Variants in DYNC1H1 observed in about 807,000 individuals in gnomAD.
DYNC1H1 encodes the protein dynein cytoplasmic 1 heavy chain 1.
In DYNC1H1, 51 loss-of-function variants were observed where a neutral mutation model predicts 527.1. The ratio of observed to expected loss-of-function variants is 0.10; its 90% CI spans 0.08 to 0.12. The LOEUF is 0.12. Ranked by LOEUF, DYNC1H1 falls within the 10% of genes least tolerant of loss-of-function variation. The pLI is 1.00. For synonymous variants in DYNC1H1, 2,189 were observed against 2,278.8 expected, an observed-to-expected ratio of 0.96 and a Z score of 1.12; for missense variants, 2,771 against 5,971.8, an observed-to-expected ratio of 0.46 and a Z score of 17.66.
intron 16 of DYNC1H1, among the ~76,000 whole-genome samples, chr14:101,998,879 C>CTTTTTTTTTTGTTTTTTTTTTTTG (rs1470140199): frequency 5.1e-4 from 59 of 115,214 alleles, no homozygotes; most frequent in African/African-American, 2.1e-3. Flanking sequence ...AAAACTTTTT[C>CTTTTTTTTTTGTTTTTTTTTTTTG]TTTTTTTTTT....
Position 102,049,664 on chromosome 14 carries a change from G to A in DYNC1H1, c.13516-50G>A, listed in dbSNP as rs375836767. 1.2e-6 allele frequency: 2 copies of A among 1,613,442 alleles called. No homozygotes were observed. The highest frequency in any genetic ancestry group is 2.7e-5 in the African/African-American group (2 of 74,940). On this transcript the variant is annotated intron_variant, in intron 75 of 77. Transcript: ENST00000360184. This position sits in a 1 kb window ranked among gnomAD's most constrained non-coding sequence, Gnocchi z 5.5. Reference sequence around the variant, plus strand: ...GAGTGGCTCTGGGGAAAAACACAGGGCCCAGGTCTGACCTGAGCTCCTTCC... The same window carrying A: ...GAGTGGCTCTGGGGAAAAACACAGGACCCAGGTCTGACCTGAGCTCCTTCC...
At position 102,004,823 on chromosome 14, in the gene DYNC1H1, T is replaced by C; in HGVS notation, c.5111T>C (p.Leu1704Ser). The change falls in exon 25 of 78, where the codon TTG becomes TCG. Residue 1704 changes from leucine (L) to serine (S), a missense_variant. Around this residue, in one of 32 missense-constraint regions of DYNC1H1, gnomAD observed 105 missense variants for 138.1 expected, o/e 0.76. Coordinates refer to ENST00000360184, the MANE Select transcript of DYNC1H1 (RefSeq NM_001376.5). The stretch of plus-strand genomic sequence containing the variant: ...CCCAAAATCAATGAGTGGCTCACAT[T>C]GGTAGAAAAGGAGATGAGAGTCACC... ...EHPKINEWLT[L>S]VEKEMRVTLA... 6.2e-7 allele frequency: 1 copy of C among 1,614,220 alleles called. No individual in the cohort carries two copies. Among genetic ancestry groups the C allele is most frequent in the Non-Finnish European group, 8.5e-7 (1 of 1,180,046 alleles).
rs17540749 is a variant in DYNC1H1, at chr14:101,985,095, T to C, written c.1462-592T>C. On this transcript the variant is annotated intron_variant, in intron 7 of 77. Transcript: ENST00000360184. This position sits in a 1 kb window ranked among gnomAD's most constrained non-coding sequence, Gnocchi z 5.9. The stretch of plus-strand genomic sequence containing the variant: ...CCAAATCTTTAGTGTTTTCCATCCA[T>C]TTATCCCTTCCTCCATCTTGGAAGG... Among the ~76,000 whole-genome samples the C allele has an allele frequency of 0.015, 2,277 of 151,964 alleles. 34 individuals carry two copies. Among genetic ancestry groups the C allele is most frequent in the Middle Eastern group, 0.037 (11 of 294 alleles).
At chr14:101,990,175 C>T (rs74082021) in intron 10 of DYNC1H1, among the ~76,000 whole-genome samples, 1 of 152,110 alleles carries the variant, frequency 6.6e-6, no homozygotes, top group Non-Finnish European at 1.5e-5. Context: ...CTAGTGGAGA[C>T]GAAGTTGGAA....
In DYNC1H1 at chr14:102,041,423, C is replaced by CAG; in HGVS notation, c.11942-150_11942-149dup. On this transcript the variant is annotated intron_variant, in intron 64 of 77. Transcript: ENST00000360184. This position sits in a 1 kb window ranked among gnomAD's most constrained non-coding sequence, Gnocchi z 4.5. ...GTGTCCAGAGGGCTCACGGAAGGCA[C>CAG]AGCAGATGTGGCTGAATTTCCTGAT... The CAG allele has an allele frequency of 1.6e-6, 2 of 1,255,560 alleles. No individual in the cohort carries two copies. Among genetic ancestry groups the CAG allele is most frequent in the Admixed American group, 3.4e-5 (2 of 59,050 alleles). The allele number at this position is 1,255,560 out of a possible 1,614,324, so 77.8% of individuals were successfully genotyped here.
chr14:102,014,714 C>T (rs2048300024), intron 34 of DYNC1H1, among the ~76,000 whole-genome samples: 1 of 152,164 alleles, frequency 6.6e-6, no homozygotes, highest in Non-Finnish European at 1.5e-5. Flanking sequence ...TTGCCCTATT[C>T]TTCTCCCTGC....
At chr14:101,995,436 G>C (rs1257398649) in intron 15 of DYNC1H1, 136 bp downstream of exon 15, 14 of 1,125,608 alleles carry the variant, frequency 1.2e-5, no homozygotes, top group African/African-American at 4.6e-5. Flanking sequence ...ACGGTGAAAT[G>C]CTGTCTCTAC....
intron 29 of DYNC1H1, chr14:102,009,264 T>C (rs920291002): frequency 3.2e-5 from 5 of 157,832 alleles, no homozygotes; most frequent in Non-Finnish European, 2.8e-5. Context: ...TTTTAATGTT[T>C]CCTTTTATTG....
chr14:102,015,799 G>A lies in DYNC1H1; in HGVS notation c.7243-57G>A, dbSNP rs2048313483. 16 of 1,587,104 alleles carry A rather than the reference G, an allele frequency of 1.0e-5. No individual in the cohort carries two copies. The highest frequency in any genetic ancestry group is 1.7e-4 in the Middle Eastern group (1 of 6,044). On this transcript the variant is annotated intron_variant, in intron 35 of 77. Coordinates refer to ENST00000360184, the MANE Select transcript of DYNC1H1 (RefSeq NM_001376.5). This position sits in a 1 kb window ranked among gnomAD's most constrained non-coding sequence, Gnocchi z 6.9. Reference sequence around the variant, plus strand: ...CTTCTCCTGGGACCAGGTTAGAATCGATGAAACTCGCCTGCCTTTTGAAAG... The same window carrying A: ...CTTCTCCTGGGACCAGGTTAGAATCAATGAAACTCGCCTGCCTTTTGAAAG...
chr14:102,026,073 C>T (rs1018267533), intron 43 of DYNC1H1, among the ~76,000 whole-genome samples: 1 of 150,790 alleles, frequency 6.6e-6, no homozygotes, highest in Non-Finnish European at 1.5e-5. Context: ...TGAGATCGTG[C>T]CACAGCACTC....
At chr14:101,984,448 A>ATTTTTTTTT (rs1224932045) in intron 7 of DYNC1H1, among the ~76,000 whole-genome samples, 3 of 89,116 alleles carry the variant, frequency 3.4e-5, no homozygotes, top group African/African-American at 5.6e-5. Context: ...TATATATATT[A>ATTTTTTTTT]TATTTTTTTT....
chr14:102,034,899 C>A, intron 56 of DYNC1H1: 1 of 246,142 alleles, frequency 4.1e-6, no homozygotes. Context: ...GCACCCCAGC[C>A]TGGGCAACAG....
rs2141276707 is a variant in DYNC1H1 at position 101,988,844 on chromosome 14, A to G, written c.2860A>G (p.Lys954Glu). The change falls in exon 10 of 78, where the codon AAG (lysine) becomes GAG (glutamate). Residue 954 changes from lysine (K) to glutamate (E), a missense_variant. Transcript: ENST00000360184. ...QVSHKPGGEPKIKNVVHELRI... is the reference protein window; with the variant it reads ...QVSHKPGGEPEIKNVVHELRI... Reference sequence around the variant, plus strand: ...TAGTCACAAGCCTGGTGGAGAGCCAAAGATCAAAGTGAGTGCTTCTGTGGC... The same window carrying G: ...TAGTCACAAGCCTGGTGGAGAGCCAGAGATCAAAGTGAGTGCTTCTGTGGC... 6.2e-7 allele frequency: 1 copy of G among 1,614,218 alleles called. No homozygotes were observed.
At chr14:102,000,731 C>T (rs568221903) in intron 18 of DYNC1H1, 130 of 524,352 alleles carry the variant, frequency 2.5e-4, no homozygotes, top group African/African-American at 1.9e-3. Context: ...TGTGCCACCA[C>T]GCCCGGCTAA....
chr14:102,039,944 TCTC>T lies in DYNC1H1; in HGVS notation c.11690+215_11690+217del, dbSNP rs562053089. Among the ~76,000 whole-genome samples, 488 of 152,292 alleles carry T rather than the reference TCTC, an allele frequency of 3.2e-3. 7 individuals are homozygous for T. Among genetic ancestry groups the T allele is most frequent in the Non-Finnish European group, 1.8e-3 (124 of 68,020 alleles). On this transcript the variant is annotated intron_variant, in intron 62 of 77. Transcript: ENST00000360184. This position sits in a 1 kb window ranked among gnomAD's most constrained non-coding sequence, Gnocchi z 7.0. ...CCTCCACCTCCCAGGTTCAAGCAAT[TCTC>T]CTGCTTCAGTCTCCGAAGTAGCTAG...
rs1482620203 is a variant in DYNC1H1, at chr14:102,034,366, T to C, written c.10668T>C (p.Ala3556=). Residue 3556 remains alanine (A), a synonymous_variant, in exon 56 of 78, where the codon GCT becomes GCC. Transcript: ENST00000360184. ...CCAGGACGGAATACCTTTCCAATGCTGATGAGCGTCTTCGCTGGCAGGCCA... is the reference window on the plus strand; with the variant it reads ...CCAGGACGGAATACCTTTCCAATGCCGATGAGCGTCTTCGCTGGCAGGCCA... ...DIARTEYLSN[A]DERLRWQASS... 3 of 1,614,108 alleles carry C rather than the reference T, an allele frequency of 1.9e-6. No individual in the cohort carries two copies. The highest frequency in any genetic ancestry group is 2.5e-6 in the Non-Finnish European group (3 of 1,180,062).
At position 101,965,146 on chromosome 14, in the gene DYNC1H1, G is replaced by T. The variant is rs1015654194; in HGVS notation, c.256+199G>T. Among the ~76,000 whole-genome samples the T allele has an allele frequency of 5.3e-5, 8 of 151,874 alleles. No homozygotes were observed. The highest frequency in any genetic ancestry group is 7.4e-5 in the Non-Finnish European group (5 of 67,928). On this transcript the variant is annotated intron_variant, in intron 1 of 77. Transcript: ENST00000360184. The surrounding 1 kb of genome is among the most constrained non-coding windows in gnomAD (Gnocchi z 4.1). ...GGCCGCAGACGCCCCGCAGAGGCCGGCGCGGCGCCCGGGGCTCGCCCTCGC... is the reference window on the plus strand; with the variant it reads ...GGCCGCAGACGCCCCGCAGAGGCCGTCGCGGCGCCCGGGGCTCGCCCTCGC...
At position 102,043,949 on chromosome 14, in the gene DYNC1H1, C is replaced by T. The variant is rs749876358; in HGVS notation, c.12588C>T (p.Tyr4196=). ...CGATCATCCAAGAACGCTTACGATA[C>T]GCACCACTGGGGTGGTCAAAGAAGT... ...FHAIIQERLR[Y]APLGWSKKYE... is the part of the protein sequence containing the mutation. Residue 4196 remains tyrosine, a synonymous_variant, in exon 70 of 78, where the codon TAC becomes TAT. Transcript: ENST00000360184. 81 of 1,614,122 alleles carry T rather than the reference C, an allele frequency of 5.0e-5. No homozygotes were observed. Among genetic ancestry groups the T allele is most frequent in the South Asian group, 9.9e-5 (9 of 91,088 alleles).
At position 102,015,703 on chromosome 14, in the gene DYNC1H1, C is replaced by T. The variant is rs181450171; in HGVS notation, c.7243-153C>T. Among the ~76,000 whole-genome samples, 10 of 152,296 alleles carry T rather than the reference C, an allele frequency of 6.6e-5. No homozygotes were observed. The highest frequency in any genetic ancestry group is 3.9e-4 in the Admixed American group (6 of 15,294). On this transcript the variant is annotated intron_variant, in intron 35 of 77. Coordinates refer to ENST00000360184, the MANE Select transcript of DYNC1H1 (RefSeq NM_001376.5). This position sits in a 1 kb window ranked among gnomAD's most constrained non-coding sequence, Gnocchi z 6.9. Reference sequence around the variant, plus strand: ...TCCTGGGAAGCAGGGTTTTTGAGAACCACCAGGGTGAAGGAATGAGGACTG... The same window carrying T: ...TCCTGGGAAGCAGGGTTTTTGAGAATCACCAGGGTGAAGGAATGAGGACTG...
Sources: allele counts gnomAD v4.1 joint callset (sites outside exome capture counted in the v4.1 genomes callset), GRCh38; gene constraint gnomAD v4.1.1; regional missense constraint gnomAD v4.1.1; non-coding constraint Gnocchi (gnomAD v3.1); transcripts MANE v1.5; gene names NCBI Gene and HGNC (gene_info 2026-07-23, HGNC 2026-07-21).